The following COL15A1 variants were observed in gnomAD, a reference collection of about 807,000 sequenced individuals.
The protein encoded by COL15A1 is collagen alpha-1(XV) chain.
COL15A1 carries 111 observed loss-of-function variants against 165.9 expected under a neutral mutation model. The observed-to-expected ratio is 0.67, with a 90% CI of 0.57 to 0.78. The LOEUF (loss-of-function observed/expected upper bound fraction) is 0.78, where lower values mean the gene tolerates loss of function less well. Among genes scored for constraint, COL15A1 ranks in the 30% least tolerant of loss-of-function variants. The probability of loss-of-function intolerance (pLI) is 0.00; values close to 1 mark genes in which losing one functional copy is unlikely to be tolerated. For synonymous variants in COL15A1, 659 were observed against 674.8 expected, an observed-to-expected ratio of 0.98 and a Z score of 0.36; for missense variants, 1,745 against 1,789.7, an observed-to-expected ratio of 0.98 and a Z score of 0.45.
chr9:98,987,134 C>A (rs1430534592), intron 3 of COL15A1, among the ~76,000 whole-genome samples, 160 bp from the exon 4 acceptor site: 1 of 152,142 alleles, frequency 6.6e-6, no homozygotes, highest in Non-Finnish European at 1.5e-5. Context: ...TGAGAGTGGG[C>A]CAAGAGGTGG....
intron 16 of COL15A1, among the ~76,000 whole-genome samples, chr9:99,033,880 C>G (rs1260353508): frequency 6.6e-6 from 1 of 152,158 alleles, no homozygotes; most frequent in Non-Finnish European, 1.5e-5. Flanking sequence ...CCACTGTCCT[C>G]ATTGCTGACC....
chr9:99,005,419 G>A (rs560971604), intron 9 of COL15A1, among the ~76,000 whole-genome samples: 6 of 152,208 alleles, frequency 3.9e-5, no homozygotes, highest in Admixed American at 6.5e-5. Flanking sequence ...CAGAGGGCAC[G>A]GCCAGGCCTT....
Position 98,965,402 on chromosome 9 carries a change from C to G in COL15A1, c.101-20163C>G, listed in dbSNP as rs144248096. 3.0e-4 allele frequency among the ~76,000 whole-genome samples: 45 copies of G among 152,334 alleles called. 1 individual carries two copies. Among genetic ancestry groups the G allele is most frequent in the African/African-American group, 1.1e-3 (45 of 41,582 alleles). On this transcript the variant is annotated intron_variant, in intron 2 of 41. Coordinates refer to ENST00000375001, the MANE Select transcript of COL15A1 (RefSeq NM_001855.5). Reference sequence around the variant, plus strand: ...CTTAAGCTCCTTCAGCTTCAGTCATCTCATCTGAAAATGGCATAGCCACAG... The same window carrying G: ...CTTAAGCTCCTTCAGCTTCAGTCATGTCATCTGAAAATGGCATAGCCACAG...
At chr9:99,053,460 C>T (rs186078977) in intron 31 of COL15A1, among the ~76,000 whole-genome samples, 1 of 152,346 alleles carries the variant, frequency 6.6e-6, no homozygotes, top group East Asian at 1.9e-4. Context: ...GTTCCTCTTC[C>T]CTGTGAGCCT....
In COL15A1 at chr9:99,070,670, GAAAC is replaced by G. The variant is rs1002888287; in HGVS notation, c.*790_*793del. On this transcript the variant is annotated 3_prime_UTR_variant, in exon 42 of 42. Coordinates refer to ENST00000375001, the MANE Select transcript of COL15A1 (RefSeq NM_001855.5). The stretch of plus-strand genomic sequence containing the variant: ...CAATTGTTGAATTATAACTGCGACT[GAAAC>G]AAACAGGTTCATAGAGATGAATTTT... 1 of 451,062 alleles carries G rather than the reference GAAAC, an allele frequency of 2.2e-6. No individual in the cohort carries two copies. The highest frequency in any genetic ancestry group is 2.0e-5 in the African/African-American group (1 of 49,798). 27.9% of individuals were successfully genotyped at this position (451,062 alleles called of 1,614,324 possible). A position where few individuals can be genotyped will look rare whatever the true frequency, so the allele number is the denominator to read the frequency against.
chr9:99,006,912 T>C (rs559281100), intron 9 of COL15A1, among the ~76,000 whole-genome samples: 1 of 152,294 alleles, frequency 6.6e-6, no homozygotes, highest in South Asian at 2.1e-4. Context: ...ATTTTGGAAG[T>C]TTATTTTGCC....
intron 8 of COL15A1, among the ~76,000 whole-genome samples, chr9:99,004,409 G>A (rs914037545): frequency 7.2e-5 from 11 of 152,184 alleles, no homozygotes; most frequent in Admixed American, 2.6e-4. Flanking sequence ...GTCCATTCAC[G>A]GTGAGTGGCC....
intron 16 of COL15A1, among the ~76,000 whole-genome samples, chr9:99,033,235 G>A (rs955251552): frequency 7.9e-5 from 12 of 152,236 alleles, no homozygotes; most frequent in African/African-American, 2.9e-4. Context: ...CCATCAGGCA[G>A]GGCACCTCAG....
intron 9 of COL15A1, among the ~76,000 whole-genome samples, chr9:99,013,974 G>GTT (rs150143403): frequency 2.0e-5 from 3 of 150,432 alleles, no homozygotes; most frequent in East Asian, 2.0e-4. Context: ...TGCATGTTGT[G>GTT]TTTTTTTTTC....
At position 99,035,343 on chromosome 9, in the gene COL15A1, T is replaced by TC; in HGVS notation, c.2221-3dup. 1.2e-6 allele frequency: 2 copies of TC among 1,614,134 alleles called. No individual in the cohort carries two copies. The highest frequency in any genetic ancestry group is 1.7e-6 in the Non-Finnish European group (2 of 1,180,026). ...ATCTGAAATTCTCATTCTTGCTCCT[T>TC]CCCCAGGATACCGAAGGCTCTGGAA... is the stretch of plus-strand genomic sequence containing the variant. On this transcript the variant is annotated splice_polypyrimidine_tract_variant and splice_region_variant and intron_variant, in intron 18 of 41. Coordinates refer to ENST00000375001, the MANE Select transcript of COL15A1 (RefSeq NM_001855.5).
intron 5 of COL15A1, 146 bp from the exon 6 acceptor site, chr9:98,996,788 C>A: frequency 8.3e-7 from 1 of 1,200,796 alleles, no homozygotes; most frequent in Non-Finnish European, 1.2e-6. Context: ...AGCCATTGCC[C>A]AGGTAGACAC....
At chr9:99,024,378 TTA>T in intron 14 of COL15A1, among the ~76,000 whole-genome samples, 3 of 150,574 alleles carry the variant, frequency 2.0e-5, no homozygotes, top group African/African-American at 7.4e-5. Flanking sequence ...CCTCCCAGGT[TTA>T]CTTACTCCAT....
chr9:99,039,589 G>A (rs2119064571), intron 22 of COL15A1, among the ~76,000 whole-genome samples: 1 of 152,334 alleles, frequency 6.6e-6, no homozygotes, highest in East Asian at 1.9e-4. Flanking sequence ...ATGGCCCTAA[G>A]ATGAAGGAAG....
In COL15A1 at chr9:98,944,061, G is replaced by A. The variant is rs1245964262; in HGVS notation, c.-1G>A. 6.2e-7 allele frequency: 1 copy of A among 1,614,090 alleles called. No homozygotes were observed. Among genetic ancestry groups the A allele is most frequent in the South Asian group, 1.1e-5 (1 of 91,084 alleles). On this transcript the variant is annotated 5_prime_UTR_variant, in exon 1 of 42. Transcript: ENST00000375001. ...CTTCCGGGGCTCCGCAGACCCGCGA[G>A]ATGGCACCAAGGTAAGACCCGCTTC...
At chr9:98,970,945 T>C (rs924977209) in intron 2 of COL15A1, among the ~76,000 whole-genome samples, 2 of 152,080 alleles carry the variant, frequency 1.3e-5, no homozygotes, top group African/African-American at 4.8e-5. Flanking sequence ...GTGTTATGAG[T>C]ATGTGAACCT....
At chr9:99,047,689 A>G (rs1255623405) in intron 26 of COL15A1, 97 bp from the exon 27 acceptor site, 2 of 1,274,802 alleles carry the variant, frequency 1.6e-6, no homozygotes, top group Non-Finnish European at 2.3e-6. Flanking sequence ...TCAGTGGATC[A>G]TCGTCACCAC....
chr9:99,022,270 G>C (rs1839040770), intron 13 of COL15A1, 120 bp downstream of exon 13: 1 of 1,261,570 alleles, frequency 7.9e-7, no homozygotes, highest in Admixed American at 1.8e-5. Context: ...TCAGACCCTA[G>C]GGCTTTCTGC....
intron 2 of COL15A1, among the ~76,000 whole-genome samples, chr9:98,964,442 C>A (rs535289120): frequency 6.6e-6 from 1 of 152,222 alleles, no homozygotes; most frequent in Non-Finnish European, 1.5e-5. Context: ...CATTTTGGAG[C>A]CAAATGGGGC....
intron 41 of COL15A1, among the ~76,000 whole-genome samples, chr9:99,069,434 A>G (rs1202547551): frequency 2.6e-5 from 4 of 152,212 alleles, no homozygotes; most frequent in African/African-American, 9.6e-5. Flanking sequence ...AAGGGACCCC[A>G]TGAGCAAAGG....
Sources: gnomAD v4.1 joint callset for allele counts (sites outside exome capture counted in the v4.1 genomes callset) on GRCh38, gnomAD v4.1.1 for gene constraint, MANE v1.5 for transcripts, NCBI Gene and HGNC (gene_info 2026-07-23, HGNC 2026-07-21) for gene names.